The following FGGY variants were observed in gnomAD, a reference collection of about 807,000 sequenced individuals.
FGGY encodes FGGY carbohydrate kinase domain containing.
Under a neutral mutation model 71.3 loss-of-function variants are expected in FGGY, and 72 were observed. That is an observed-to-expected ratio of 1.01 (90% confidence interval 0.84 to 1.23). The LOEUF (loss-of-function observed/expected upper bound fraction) is 1.23. Ranked by LOEUF, FGGY falls within the 50% of genes most tolerant of loss-of-function variation. The pLI is 0.00. For synonymous variants in FGGY, 251 were observed against 250.3 expected (o/e 1.00, Z -0.02); for missense variants, 668 against 682.3 (o/e 0.98, Z 0.23).
chr1:59,437,824 A>C (rs1430616276), intron 5 of FGGY, among the ~76,000 whole-genome samples: 1 of 152,236 alleles, frequency 6.6e-6, no homozygotes, highest in Admixed American at 6.5e-5. Flanking sequence ...TTTTGAGGGA[A>C]TCTGAGCCAA....
At chr1:59,597,456 A>T (rs1406939546) in intron 8 of FGGY, among the ~76,000 whole-genome samples, 1 of 152,160 alleles carries the variant, frequency 6.6e-6, no homozygotes, top group African/African-American at 2.4e-5. Context: ...GAGCCATTAT[A>T]ACCTCTGTAC....
At chr1:59,572,277 G>C (rs1174696707) in intron 8 of FGGY, among the ~76,000 whole-genome samples, 2 of 152,090 alleles carry the variant, frequency 1.3e-5, no homozygotes, top group South Asian at 2.1e-4. Context: ...TGACGGGGAG[G>C]GAGTAGGGTT....
At chr1:59,662,333 AAAG>A (rs1251238357) in intron 12 of FGGY, among the ~76,000 whole-genome samples, 15 of 149,962 alleles carry the variant, frequency 1.0e-4, no homozygotes, top group African/African-American at 1.0e-4. Flanking sequence ...AAAAAAAAAA[AAAG>A]AGAGAGATTT....
chr1:59,554,376 C>G (rs1171765388), intron 8 of FGGY, 149 bp downstream of exon 8: 2 of 557,934 alleles, frequency 3.6e-6, no homozygotes, highest in Non-Finnish European at 6.4e-6. Flanking sequence ...GCCCAGCTCC[C>G]CACTCTACCT....
At chr1:59,522,892 A>G (rs1430153124) in intron 7 of FGGY, among the ~76,000 whole-genome samples, 1 of 152,196 alleles carries the variant, frequency 6.6e-6, no homozygotes, top group Non-Finnish European at 1.5e-5. Flanking sequence ...AAATGGAGCA[A>G]GGTGTCTTAT....
chr1:59,382,164 A>C (rs1334981016), intron 5 of FGGY, among the ~76,000 whole-genome samples: 1 of 152,148 alleles, frequency 6.6e-6, no homozygotes, highest in Non-Finnish European at 1.5e-5. Flanking sequence ...AAATCAGCTT[A>C]TTCAGAGAGG....
In FGGY at chr1:59,587,668, C is replaced by A. The variant is rs543457412; in HGVS notation, c.904-20135C>A. On this transcript the variant is annotated intron_variant, in intron 8 of 15. Coordinates refer to ENST00000303721, the MANE Select transcript of FGGY (RefSeq NM_018291.5). The stretch of plus-strand genomic sequence containing the variant: ...ATCCCCTGTTCTGCAGCCACTGTTG[C>A]TGTTACCCAGGCAAACAGGGTCTGG... 4.6e-5 allele frequency among the ~76,000 whole-genome samples: 7 copies of A among 152,328 alleles called. No homozygotes were observed. In the East Asian group the frequency reaches 1.4e-3, roughly 29 times the overall value.
chr1:59,576,799 T>C (rs2096087327), intron 8 of FGGY, among the ~76,000 whole-genome samples: 1 of 152,098 alleles, frequency 6.6e-6, no homozygotes, highest in Non-Finnish European at 1.5e-5. Flanking sequence ...AGAATTATTT[T>C]ATATGATAGT....
chr1:59,707,610 G>A (rs1284441516), intron 14 of FGGY, among the ~76,000 whole-genome samples: 1 of 152,222 alleles, frequency 6.6e-6, no homozygotes, highest in East Asian at 1.9e-4. Flanking sequence ...GTTCTCCACA[G>A]AATTCTCGTC....
intron 4 of FGGY, among the ~76,000 whole-genome samples, chr1:59,359,937 T>C (rs1252761505): frequency 6.6e-6 from 1 of 152,156 alleles, no homozygotes; most frequent in African/African-American, 2.4e-5. Flanking sequence ...CGTTTCTCAT[T>C]ATGGCTTTGC....
rs188060752 is a variant in FGGY at position 59,371,848 on chromosome 1, C to A, written c.466-6901C>A. On this transcript the variant is annotated intron_variant, in intron 4 of 15. Coordinates refer to ENST00000303721, the MANE Select transcript of FGGY (RefSeq NM_018291.5). ...AAATGAAGGCAGAAATAAAGATGTTCTTTGAAACCAATGAGAACACAGACA... is the reference window on the plus strand; with the variant it reads ...AAATGAAGGCAGAAATAAAGATGTTATTTGAAACCAATGAGAACACAGACA... 1.3e-3 allele frequency among the ~76,000 whole-genome samples: 191 copies of A among 152,272 alleles called. 3 individuals are homozygous for A. Among genetic ancestry groups the A allele is most frequent in the Admixed American group, 0.011 (163 of 15,296 alleles).
Position 59,513,443 on chromosome 1 carries a change from T to G in FGGY, c.799+1004T>G, listed in dbSNP as rs78168492. 2.0e-3 allele frequency among the ~76,000 whole-genome samples: 303 copies of G among 152,372 alleles called. 1 individual carries two copies. The highest frequency in any genetic ancestry group is 3.6e-3 in the Non-Finnish European group (248 of 68,036). ...TGGCACACATGTTCTTTGTCCAGAA[T>G]GATTGGTCCTCCACTTCTCCAGCTG... is the stretch of plus-strand genomic sequence containing the variant. On this transcript the variant is annotated intron_variant, in intron 7 of 15. Transcript: ENST00000303721.
intron 8 of FGGY, among the ~76,000 whole-genome samples, chr1:59,587,552 G>C (rs1304600256): frequency 6.6e-6 from 1 of 152,180 alleles, no homozygotes; most frequent in East Asian, 1.9e-4. Context: ...CCCCCCAGTA[G>C]GGGCAGACTG....
At chr1:59,721,381 T>C (rs1289823396) in intron 14 of FGGY, among the ~76,000 whole-genome samples, 3 of 140,232 alleles carry the variant, frequency 2.1e-5, no homozygotes, top group Non-Finnish European at 3.0e-5. Context: ...CTCTGTTGCC[T>C]AGGCTGGATT....
intron 6 of FGGY, among the ~76,000 whole-genome samples, chr1:59,482,858 T>A (rs975052712): frequency 1.1e-4 from 17 of 152,028 alleles, no homozygotes; most frequent in African/African-American, 3.6e-4. Context: ...CAAACTTAAC[T>A]GACATTTCCT....
At chr1:59,452,469 C>T (rs1216121151) in intron 5 of FGGY, among the ~76,000 whole-genome samples, 1 of 152,100 alleles carries the variant, frequency 6.6e-6, no homozygotes, top group South Asian at 2.1e-4. Flanking sequence ...CTTCTGATTT[C>T]TCATTGTTTT....
At chr1:59,666,240 G>A (rs1572885438) in intron 12 of FGGY, among the ~76,000 whole-genome samples, 1 of 152,088 alleles carries the variant, frequency 6.6e-6, no homozygotes, top group East Asian at 1.9e-4. Flanking sequence ...ACTTAGGACT[G>A]TGACATCTCC....
intron 8 of FGGY, among the ~76,000 whole-genome samples, chr1:59,577,061 A>T (rs1378958008): frequency 6.6e-6 from 1 of 152,208 alleles, no homozygotes; most frequent in Non-Finnish European, 1.5e-5. Context: ...TTTAAGCATG[A>T]GCCAAAAATA....
intron 13 of FGGY, among the ~76,000 whole-genome samples, chr1:59,672,057 C>G (rs1296783651): frequency 6.6e-6 from 1 of 152,134 alleles, no homozygotes; most frequent in Non-Finnish European, 1.5e-5. Flanking sequence ...AAAAACGTCC[C>G]AGGTCCATAG....
Sources: gnomAD v4.1 joint callset for allele counts (sites outside exome capture counted in the v4.1 genomes callset) on GRCh38, gnomAD v4.1.1 for gene constraint, MANE v1.5 for transcripts, NCBI Gene and HGNC (gene_info 2026-07-23, HGNC 2026-07-21) for gene names.